PEBP4: variants seen among roughly 807,000 people sequenced by gnomAD.
PEBP4 encodes the protein phosphatidylethanolamine-binding protein 4.
PEBP4 carries 22 observed loss-of-function variants against 23.9 expected under a neutral mutation model. The ratio of observed to expected loss-of-function variants is 0.92; its 90% CI spans 0.66 to 1.31. The LOEUF is 1.31. Among genes scored for constraint, PEBP4 ranks in the 40% most tolerant of loss-of-function variants. The probability of loss-of-function intolerance (pLI) is 0.00; values close to 1 mark genes in which losing one functional copy is unlikely to be tolerated. For synonymous variants in PEBP4, 112 were observed against 99.3 expected (o/e 1.13, Z -0.76); for missense variants, 324 against 281.7 (o/e 1.15, Z -1.07).
chr8:22,914,624 G>A (rs977317696), intron 3 of PEBP4, among the ~76,000 whole-genome samples: 1 of 152,104 alleles, frequency 6.6e-6, no homozygotes, highest in Non-Finnish European at 1.5e-5. Context: ...GCATAGCAGA[G>A]CCTACCCGCA....
intron 3 of PEBP4, among the ~76,000 whole-genome samples, chr8:22,870,636 C>T (rs993138520): frequency 2.0e-5 from 3 of 152,036 alleles, no homozygotes; most frequent in Non-Finnish European, 4.4e-5. Context: ...AACAAATGCA[C>T]CCCTCTGGTG....
At chr8:22,789,731 A>T (rs1806098523) in intron 4 of PEBP4, among the ~76,000 whole-genome samples, 1 of 152,190 alleles carries the variant, frequency 6.6e-6, no homozygotes, top group Admixed American at 6.5e-5. Flanking sequence ...TCTTCTTAAG[A>T]AATGGATGCT....
intron 3 of PEBP4, among the ~76,000 whole-genome samples, chr8:22,869,619 G>T (rs1365405268): frequency 3.3e-5 from 5 of 152,152 alleles, no homozygotes; most frequent in Admixed American, 3.3e-4. Flanking sequence ...ACTGAAGGAG[G>T]CCACAGACTG....
chr8:22,779,390 G>C (rs1368187282), intron 4 of PEBP4, among the ~76,000 whole-genome samples: 1 of 152,186 alleles, frequency 6.6e-6, no homozygotes, highest in Admixed American at 6.5e-5. Context: ...AGGCTAGGAG[G>C]TGGTCAAGGG....
chr8:22,888,203 G>C (rs1241741725), intron 3 of PEBP4, among the ~76,000 whole-genome samples: 2 of 149,112 alleles, frequency 1.3e-5, no homozygotes, highest in Non-Finnish European at 3.0e-5. Context: ...GCCCAGGCTG[G>C]AGTGCAGTGG....
At chr8:22,805,350 G>A (rs754572999) in intron 4 of PEBP4, among the ~76,000 whole-genome samples, 1 of 152,064 alleles carries the variant, frequency 6.6e-6, no homozygotes, top group Non-Finnish European at 1.5e-5. Context: ...TTTTGAGACC[G>A]AGTTTTGCTC....
intron 3 of PEBP4, among the ~76,000 whole-genome samples, chr8:22,849,637 C>A (rs1807510856): frequency 6.6e-6 from 1 of 152,202 alleles, no homozygotes; most frequent in Non-Finnish European, 1.5e-5. Flanking sequence ...TGATTCATGT[C>A]CCCAGTGCTG....
chr8:22,841,765 T>C (rs1054996488), intron 3 of PEBP4, among the ~76,000 whole-genome samples: 1 of 152,222 alleles, frequency 6.6e-6, no homozygotes, highest in African/African-American at 2.4e-5. Flanking sequence ...GGCTACAGAC[T>C]GTTCCCTAAA....
rs1169316146 is a variant in PEBP4 at position 22,759,420 on chromosome 8, A to G, written c.358-32200T>C. Among the ~76,000 whole-genome samples the G allele has an allele frequency of 2.6e-5, 4 of 151,362 alleles. No homozygotes were observed. In the East Asian group the frequency reaches 7.8e-4, roughly 29 times the overall value. On this transcript the variant is annotated intron_variant, in intron 4 of 6. Coordinates refer to ENST00000256404, the MANE Select transcript of PEBP4 (RefSeq NM_144962.3). ...TCTCCCCATAATAATGAAAGCAACC[A>G]TGTCCCAAGTGCCTTCTGCATATCG...
intron 3 of PEBP4, among the ~76,000 whole-genome samples, chr8:22,872,891 G>A (rs893067379): frequency 6.6e-6 from 1 of 152,014 alleles, no homozygotes; most frequent in Non-Finnish European, 1.5e-5. Context: ...TGGCAAGGCT[G>A]GTCTCGAACT....
rs550093936 is a variant in PEBP4 at position 22,855,885 on chromosome 8, T to A, written c.259-38150A>T. Among the ~76,000 whole-genome samples the A allele has an allele frequency of 4.6e-5, 7 of 151,384 alleles. No individual in the cohort carries two copies. In the South Asian group the frequency reaches 1.3e-3, roughly 27 times the overall value. On this transcript the variant is annotated intron_variant, in intron 3 of 6. Transcript: ENST00000256404. The stretch of plus-strand genomic sequence containing the variant: ...GTGAGACCCCATTTTTACAAAAAAA[T>A]TTTAAAAATAGCCAGGTATGGTGGT...
chr8:22,910,034 AG>A (rs1298809097), intron 3 of PEBP4, among the ~76,000 whole-genome samples: 1 of 152,216 alleles, frequency 6.6e-6, no homozygotes, highest in African/African-American at 2.4e-5. Context: ...CCAGGTTGTG[AG>A]GAGGCTCAAA....
At chr8:22,862,896 G>C (rs961118696) in intron 3 of PEBP4, among the ~76,000 whole-genome samples, 1 of 150,752 alleles carries the variant, frequency 6.6e-6, no homozygotes, top group African/African-American at 2.4e-5. Context: ...CGCCTCCCAG[G>C]TTCACGTCAT....
At chr8:22,932,680 C>A (rs1331314665), upstream of PEBP4, among the ~76,000 whole-genome samples, 1 of 140,928 alleles carries the variant, frequency 7.1e-6, no homozygotes, top group African/African-American at 2.9e-5. Context: ...GAGACCCTGT[C>A]TCAAAAAATT....
chr8:22,899,467 C>T (rs889182846), intron 3 of PEBP4, among the ~76,000 whole-genome samples: 8 of 152,228 alleles, frequency 5.3e-5, no homozygotes, highest in African/African-American at 1.4e-4. Flanking sequence ...AAGGAACCTG[C>T]TTTTGCAGGG....
chr8:22,905,920 T>C (rs1808802154), intron 3 of PEBP4, among the ~76,000 whole-genome samples: 2 of 152,208 alleles, frequency 1.3e-5, no homozygotes, highest in Admixed American at 6.5e-5. Context: ...GCCAGATGTA[T>C]GGAAAGCTGG....
At chr8:22,877,012 T>C (rs1338328840) in intron 3 of PEBP4, among the ~76,000 whole-genome samples, 1 of 152,208 alleles carries the variant, frequency 6.6e-6, no homozygotes, top group African/African-American at 2.4e-5. Context: ...GATGCTTGGA[T>C]CAGAAAAGCA....
At chr8:22,795,948 G>GA (rs1413609475) in intron 4 of PEBP4, among the ~76,000 whole-genome samples, 4 of 152,152 alleles carry the variant, frequency 2.6e-5, no homozygotes, top group Non-Finnish European at 5.9e-5. Flanking sequence ...TTTGTATGCC[G>GA]AAATGTGAGA....
At chr8:22,921,846 T>C (rs1250574746) in intron 2 of PEBP4, among the ~76,000 whole-genome samples, 1 of 152,214 alleles carries the variant, frequency 6.6e-6, no homozygotes, top group Non-Finnish European at 1.5e-5. Flanking sequence ...TGCAACTCCT[T>C]GCTGCCGCAG....
Sources: allele counts gnomAD v4.1 joint callset (sites outside exome capture counted in the v4.1 genomes callset), GRCh38; gene constraint gnomAD v4.1.1; transcripts MANE v1.5; gene names NCBI Gene and HGNC (gene_info 2026-07-23, HGNC 2026-07-21).